AUTS2: variants seen among roughly 807,000 people sequenced by gnomAD.
AUTS2 encodes autism susceptibility gene 2 protein.
In AUTS2, 17 loss-of-function variants were observed where a neutral mutation model predicts 112.4. The ratio of observed to expected loss-of-function variants is 0.15; its 90% CI spans 0.10 to 0.23. The LOEUF is 0.23. Ranked by LOEUF, AUTS2 falls within the 10% of genes least tolerant of loss-of-function variation. The probability of loss-of-function intolerance (pLI) is 1.00; values close to 1 mark genes in which losing one functional copy is unlikely to be tolerated. For missense variants in AUTS2, 1,510 were observed against 1,701.6 expected, an observed-to-expected ratio of 0.89 and a Z score of 1.98; for synonymous variants, 751 against 702.7, an observed-to-expected ratio of 1.07 and a Z score of -1.09.
At chr7:70,188,682 C>T (rs1260396902) in intron 4 of AUTS2, among the ~76,000 whole-genome samples, 2 of 152,138 alleles carry the variant, frequency 1.3e-5, no homozygotes, top group Non-Finnish European at 2.9e-5. Flanking sequence ...TCACTCTTAC[C>T]ATCATCTAAA....
At chr7:70,404,267 T>C (rs1794441199) in intron 4 of AUTS2, among the ~76,000 whole-genome samples, 1 of 152,160 alleles carries the variant, frequency 6.6e-6, no homozygotes, top group African/African-American at 2.4e-5. Context: ...TCTTCCTTCT[T>C]TACAGTACAC....
intron 2 of AUTS2, among the ~76,000 whole-genome samples, chr7:70,093,613 A>G (rs893722676): frequency 6.6e-6 from 1 of 152,220 alleles, no homozygotes; most frequent in Non-Finnish European, 1.5e-5. Context: ...TTATGAGGAG[A>G]CACGAAGGAC....
At chr7:70,432,781 C>A (rs1450280899) in intron 4 of AUTS2, among the ~76,000 whole-genome samples, 1 of 152,174 alleles carries the variant, frequency 6.6e-6, no homozygotes, top group Non-Finnish European at 1.5e-5. Flanking sequence ...CTCGAGGCTC[C>A]AGAGAGTGGA....
chr7:70,237,476 A>T (rs1347555018), intron 4 of AUTS2, among the ~76,000 whole-genome samples: 2 of 152,188 alleles, frequency 1.3e-5, no homozygotes, highest in African/African-American at 4.8e-5. Flanking sequence ...TCTTCTACTC[A>T]TATGATATCC....
chr7:69,655,651 C>T (rs1795494146), intron 1 of AUTS2, among the ~76,000 whole-genome samples: 1 of 152,086 alleles, frequency 6.6e-6, no homozygotes. Context: ...AGTGGAGTCC[C>T]CTCTTGGCCC....
chr7:69,616,658 A>G (rs181391403), intron 1 of AUTS2, among the ~76,000 whole-genome samples: 9 of 152,332 alleles, frequency 5.9e-5, no homozygotes, highest in Admixed American at 5.2e-4. Context: ...ATGGAACATC[A>G]TTCATCAAAT....
chr7:70,402,613 C>G (rs1287744537), intron 4 of AUTS2, among the ~76,000 whole-genome samples: 3 of 152,158 alleles, frequency 2.0e-5, no homozygotes, highest in Admixed American at 2.0e-4. Context: ...GAGAGAAAGG[C>G]TTGCATGCGG....
At chr7:70,581,298 A>G (rs1444757977) in intron 5 of AUTS2, among the ~76,000 whole-genome samples, 1 of 152,174 alleles carries the variant, frequency 6.6e-6, no homozygotes, top group Non-Finnish European at 1.5e-5. Context: ...AGGCAGGAAA[A>G]TTGCTTGAAA....
chr7:70,297,394 T>C (rs1788990523), intron 4 of AUTS2, among the ~76,000 whole-genome samples: 2 of 151,852 alleles, frequency 1.3e-5, no homozygotes, highest in African/African-American at 4.8e-5. Context: ...CTTGAAGAAG[T>C]TAGAGCTCAA....
At chr7:69,915,268 T>C (rs1795530183) in intron 2 of AUTS2, among the ~76,000 whole-genome samples, 1 of 152,230 alleles carries the variant, frequency 6.6e-6, no homozygotes, top group Non-Finnish European at 1.5e-5. Flanking sequence ...TTCTGTCCTT[T>C]TAAGAAACTT....
At chr7:70,678,071 G>T (rs1808013008) in intron 5 of AUTS2, among the ~76,000 whole-genome samples, 1 of 152,164 alleles carries the variant, frequency 6.6e-6, no homozygotes, top group East Asian at 1.9e-4. Context: ...GACAGAGCGA[G>T]ATTCTGCCTC....
At position 70,761,109 on chromosome 7, in the gene AUTS2, A is replaced by G. The variant is rs377442827; in HGVS notation, c.743-1761A>G. Among the ~76,000 whole-genome samples, 29 of 152,368 alleles carry G rather than the reference A, an allele frequency of 1.9e-4. 1 individual carries two copies. The South Asian group carries it at 6.0e-3, about 32-fold the overall frequency. On this transcript the variant is annotated intron_variant, in intron 6 of 18. Transcript: ENST00000342771. ...AATTGCTTTGATGAGAATTCCAAGGAATAATGGCAAACAAGTGTGTATATA... is the reference window on the plus strand; with the variant it reads ...AATTGCTTTGATGAGAATTCCAAGGGATAATGGCAAACAAGTGTGTATATA...
Position 70,672,604 on chromosome 7 carries a change from C to CT in AUTS2, c.691-25956dup, listed in dbSNP as rs141474396. ...AGGGTAGGACACATGATTTCTTTTT[C>CT]TTTTTTTTTCTTTTTTTGAGACGGA... On this transcript the variant is annotated intron_variant, in intron 5 of 18. Coordinates refer to ENST00000342771, the MANE Select transcript of AUTS2 (RefSeq NM_015570.4). 9.5e-3 allele frequency among the ~76,000 whole-genome samples: 1,437 copies of CT among 151,370 alleles called. 24 individuals are homozygous for CT. Among genetic ancestry groups the CT allele is most frequent in the African/African-American group, 0.033 (1,364 of 41,244 alleles).
intron 1 of AUTS2, among the ~76,000 whole-genome samples, chr7:69,824,159 A>G (rs1791131701): frequency 6.6e-6 from 1 of 152,092 alleles, no homozygotes; most frequent in Non-Finnish European, 1.5e-5. Context: ...CACGTCTGTA[A>G]TCCCAGCACT....
chr7:69,869,527 CAT>C (rs34759946), intron 1 of AUTS2, among the ~76,000 whole-genome samples: 79 of 148,346 alleles, frequency 5.3e-4, no homozygotes, highest in Non-Finnish European at 4.8e-4. Flanking sequence ...GGTCAAGGAT[CAT>C]ATATATATAT....
At chr7:69,672,394 G>A (rs1367739221) in intron 1 of AUTS2, among the ~76,000 whole-genome samples, 2 of 152,170 alleles carry the variant, frequency 1.3e-5, no homozygotes, top group African/African-American at 4.8e-5. Flanking sequence ...TGTCAATGGA[G>A]AAGATGTGTC....
chr7:70,722,896 A>G (rs1375625008), intron 6 of AUTS2, among the ~76,000 whole-genome samples: 2 of 152,220 alleles, frequency 1.3e-5, no homozygotes, highest in East Asian at 3.8e-4. Context: ...TTACTTTTGA[A>G]GACCCAGTGG....
At chr7:70,294,084 ATAGATTATT>A (rs1397915838) in intron 4 of AUTS2, 1 of 152,238 alleles carries the variant, frequency 6.6e-6, no homozygotes, top group Admixed American at 6.5e-5. Flanking sequence ...TGAGAATAAT[ATAGATTATT>A]TGAATCTAGG....
intron 5 of AUTS2, among the ~76,000 whole-genome samples, chr7:70,551,886 A>G (rs563203189): frequency 1.3e-5 from 2 of 152,352 alleles, no homozygotes; most frequent in South Asian, 4.1e-4. Context: ...ATTTAAAGGG[A>G]AAACCACCAT....
Sources: allele counts gnomAD v4.1 joint callset (sites outside exome capture counted in the v4.1 genomes callset), GRCh38; gene constraint gnomAD v4.1.1; transcripts MANE v1.5; gene names NCBI Gene and HGNC (gene_info 2026-07-23, HGNC 2026-07-21).